Variants in GLIS3 observed in about 807,000 individuals in gnomAD.
The protein encoded by GLIS3 is GLIS family zinc finger 3, also known as zinc finger protein GLIS3.
GLIS3 carries 53 observed loss-of-function variants against 78.6 expected under a neutral mutation model. The ratio of observed to expected loss-of-function variants is 0.67; its 90% CI spans 0.54 to 0.85. The LOEUF is 0.85. Among genes scored for constraint, GLIS3 ranks in the 40% least tolerant of loss-of-function variants. GLIS3 has a pLI of 0.00. For missense variants in GLIS3, 1,703 were observed against 1,231.1 expected, an observed-to-expected ratio of 1.38 and a Z score of -5.74; for synonymous variants, 684 against 509.9, an observed-to-expected ratio of 1.34 and a Z score of -4.60.
Position 4,327,978 on chromosome 9 carries a change from G to A in GLIS3, n.265-17450C>T, listed in dbSNP as rs540977170. On this transcript the variant is annotated intron_variant and non_coding_transcript_variant, in intron 2 of 4. Transcript: ENST00000471664. ...AGGCTCTCGGGAAAAAGGAAAGTAG[G>A]AAGGCAAAAGCCTCCACATGCACGT... is the stretch of plus-strand genomic sequence containing the variant. Among the ~76,000 whole-genome samples the A allele has an allele frequency of 4.7e-5, 7 of 148,136 alleles. 1 individual carries two copies. The South Asian group carries it at 6.6e-4, about 14-fold the overall frequency.
chr9:4,432,615 AAC>A, the GLIS3 span, among the ~76,000 whole-genome samples: 1 of 151,794 alleles, frequency 6.6e-6, no homozygotes, highest in Non-Finnish European at 1.5e-5. Flanking sequence ...TTGTTTGAAA[AAC>A]AGACTATATT....
chr9:4,117,698 G>GA, intron 4 of GLIS3, 70 bp downstream of exon 4: 8 of 1,589,132 alleles, frequency 5.0e-6, no homozygotes, highest in Non-Finnish European at 6.9e-6. Flanking sequence ...GCCGAGTTAG[G>GA]AAAAAACACA....
At chr9:4,173,178 A>C (rs966018374) in intron 2 of GLIS3, among the ~76,000 whole-genome samples, 5 of 152,164 alleles carry the variant, frequency 3.3e-5, no homozygotes, top group Non-Finnish European at 7.3e-5. Context: ...GTGGTGTCAT[A>C]CTAATATCAC....
intron 6 of GLIS3, among the ~76,000 whole-genome samples, chr9:3,928,887 G>A (rs778579381): frequency 9.2e-5 from 14 of 152,108 alleles, no homozygotes; most frequent in Admixed American, 1.3e-4. Context: ...TCTAACTTCC[G>A]GCATCCTTTG....
At chr9:4,301,288 T>A (rs60866552), upstream of GLIS3, among the ~76,000 whole-genome samples, 107 of 152,322 alleles carry the variant, frequency 7.0e-4, 1 homozygote, top group East Asian at 0.018. Flanking sequence ...TGTCATTCTG[T>A]CAGTTTTCCA....
intron 4 of GLIS3, among the ~76,000 whole-genome samples, chr9:4,084,104 A>G (rs1035224840): frequency 3.3e-5 from 5 of 152,184 alleles, no homozygotes; most frequent in African/African-American, 1.2e-4. Context: ...CTGTTTTTAA[A>G]AAGCCCATTC....
chr9:4,336,593 G>A (rs557109307), intron 2 of GLIS3, among the ~76,000 whole-genome samples: 28 of 152,278 alleles, frequency 1.8e-4, no homozygotes, highest in African/African-American at 6.7e-4. Flanking sequence ...GTAAGACTCA[G>A]GAAGATAAAA....
the GLIS3 span, among the ~76,000 whole-genome samples, chr9:4,420,319 C>G: frequency 4.6e-5 from 7 of 152,116 alleles, no homozygotes; most frequent in Non-Finnish European, 7.4e-5. Flanking sequence ...CATTTTCTTC[C>G]ATCACTGAAG....
At chr9:3,939,404 T>C (rs1267644960) in intron 4 of GLIS3, among the ~76,000 whole-genome samples, 2 of 152,228 alleles carry the variant, frequency 1.3e-5, no homozygotes, top group Non-Finnish European at 2.9e-5. Flanking sequence ...TTTCCAAGTC[T>C]TTCCAGTTAA....
intron 9 of GLIS3, among the ~76,000 whole-genome samples, chr9:3,842,356 C>T (rs1350268336): frequency 6.6e-6 from 1 of 152,150 alleles, no homozygotes; most frequent in Non-Finnish European, 1.5e-5. Context: ...CCTGTAATCC[C>T]AGCTACTCGG....
chr9:4,244,396 G>C (rs577568358), intron 2 of GLIS3, among the ~76,000 whole-genome samples: 1 of 152,166 alleles, frequency 6.6e-6, no homozygotes, highest in Non-Finnish European at 1.5e-5. Flanking sequence ...GCTTATGACA[G>C]GCGTATGCTG....
At chr9:4,217,905 A>G (rs940733973) in intron 2 of GLIS3, among the ~76,000 whole-genome samples, 4 of 152,246 alleles carry the variant, frequency 2.6e-5, no homozygotes, top group Non-Finnish European at 4.4e-5. Context: ...CTTTAAAATT[A>G]ATGCAAGATG....
At chr9:4,179,647 C>T (rs1235466167) in intron 2 of GLIS3, among the ~76,000 whole-genome samples, 6 of 152,166 alleles carry the variant, frequency 3.9e-5, no homozygotes, top group Non-Finnish European at 8.8e-5. Flanking sequence ...CGGTGGCTCA[C>T]GCTTGTAATC....
chr9:4,054,445 A>G lies in GLIS3; in HGVS notation c.1710+63323T>C, dbSNP rs1385713444. ...TTACAAACACTTTGGCGAGAGTCAC[A>G]GGAGGATGTGCTCTGGAGTGAATTC... On this transcript the variant is annotated intron_variant, in intron 4 of 10. Transcript: ENST00000381971. The G allele has an allele frequency of 5.1e-6, 5 of 985,416 alleles. No individual in the cohort carries two copies. The East Asian group carries it at 4.5e-4, about 89-fold the overall frequency. 61.0% of individuals were successfully genotyped at this position (985,416 alleles called of 1,614,324 possible).
At chr9:4,175,918 C>T (rs956896301) in intron 2 of GLIS3, among the ~76,000 whole-genome samples, 5 of 152,184 alleles carry the variant, frequency 3.3e-5, no homozygotes, top group Admixed American at 6.5e-5. Context: ...GTCCAAGTCT[C>T]CCAGATAGGA....
At position 4,202,364 on chromosome 9, in the gene GLIS3, G is replaced by T. The variant is rs563617228; in HGVS notation, c.389-76423C>A. On this transcript the variant is annotated intron_variant, in intron 2 of 10. Transcript: ENST00000381971. ...GACAGGGTTTCACCATGTTCACCAG[G>T]ATGGTCTGGAACTCCTGACCTTGTG... Among the ~76,000 whole-genome samples the T allele has an allele frequency of 8.6e-5, 13 of 151,002 alleles. No homozygotes were observed. The South Asian group carries it at 2.7e-3, about 32-fold the overall frequency.
chr9:4,119,820 A>G (rs1268252783), intron 3 of GLIS3, among the ~76,000 whole-genome samples: 2 of 152,250 alleles, frequency 1.3e-5, no homozygotes, highest in Admixed American at 6.5e-5. Context: ...TGGTCACTTT[A>G]AAATTCATTT....
intron 2 of GLIS3, among the ~76,000 whole-genome samples, chr9:4,210,444 G>A (rs1820279719): frequency 1.3e-5 from 2 of 152,198 alleles, no homozygotes; most frequent in African/African-American, 4.8e-5. Flanking sequence ...TCCGAAAACA[G>A]GGCTGTGCAA....
intron 2 of GLIS3, among the ~76,000 whole-genome samples, chr9:4,137,696 T>A (rs1833502545): frequency 6.6e-6 from 1 of 152,220 alleles, no homozygotes; most frequent in South Asian, 2.1e-4. Context: ...TCAGCTATTG[T>A]ATATCAATTA....
Sources: allele counts gnomAD v4.1 joint callset (sites outside exome capture counted in the v4.1 genomes callset), GRCh38; gene constraint gnomAD v4.1.1; transcripts MANE v1.5; gene names NCBI Gene and HGNC (gene_info 2026-07-23, HGNC 2026-07-21).